TASP1: variants seen among roughly 807,000 people sequenced by gnomAD.
The protein encoded by TASP1 is threonine aspartase 1.
TASP1 carries 16 observed loss-of-function variants against 56.6 expected under a neutral mutation model. The ratio of observed to expected loss-of-function variants is 0.28; its 90% CI spans 0.19 to 0.43. The LOEUF is 0.43. Ranked by LOEUF, TASP1 falls within the 20% of genes least tolerant of loss-of-function variation. The pLI is 1.00. For synonymous variants in TASP1, 179 were observed against 184.2 expected, an observed-to-expected ratio of 0.97 and a Z score of 0.23; for missense variants, 393 against 511.6, an observed-to-expected ratio of 0.77 and a Z score of 2.24.
At chr20:13,524,733 T>C (rs978148078) in intron 10 of TASP1, among the ~76,000 whole-genome samples, 2 of 152,190 alleles carry the variant, frequency 1.3e-5, no homozygotes, top group Non-Finnish European at 2.9e-5. Context: ...TTATAACTGA[T>C]GCATCCTCCC....
At chr20:13,137,382 C>T in the TASP1 span, among the ~76,000 whole-genome samples, 10 of 152,234 alleles carry the variant, frequency 6.6e-5, no homozygotes, top group South Asian at 1.9e-3. Context: ...TCCTCTTTTC[C>T]TTTGGGTTTT....
chr20:13,353,522 C>T, the TASP1 span, among the ~76,000 whole-genome samples: 4 of 152,198 alleles, frequency 2.6e-5, no homozygotes, highest in African/African-American at 4.8e-5. Flanking sequence ...AAAGCTATTT[C>T]GCCATTCATG....
the TASP1 span, among the ~76,000 whole-genome samples, chr20:13,372,066 T>C: frequency 1.3e-5 from 2 of 152,232 alleles, no homozygotes; most frequent in Non-Finnish European, 2.9e-5. Flanking sequence ...GTAGAGAGCA[T>C]ATAATTGCAT....
At chr20:13,384,327 A>G in the TASP1 span, among the ~76,000 whole-genome samples, 1 of 152,212 alleles carries the variant, frequency 6.6e-6, no homozygotes, top group Non-Finnish European at 1.5e-5. Flanking sequence ...CATGTAAAGG[A>G]GAAACCACTG....
At chr20:13,463,212 C>G (rs1243421229) in intron 11 of TASP1, among the ~76,000 whole-genome samples, 1 of 152,036 alleles carries the variant, frequency 6.6e-6, no homozygotes, top group Non-Finnish European at 1.5e-5. Context: ...GAAATAAACA[C>G]TCATATGTGT....
intron 10 of TASP1, among the ~76,000 whole-genome samples, chr20:13,526,675 G>T (rs2044992383): frequency 6.6e-6 from 1 of 152,086 alleles, no homozygotes; most frequent in Admixed American, 6.6e-5. Flanking sequence ...TTCCACTGAT[G>T]CAAGAAATGG....
chr20:13,202,235 G>A, the TASP1 span, among the ~76,000 whole-genome samples: 1 of 152,294 alleles, frequency 6.6e-6, no homozygotes, highest in South Asian at 2.1e-4. Flanking sequence ...TCCCTCCATG[G>A]CTGAGTTCAA....
chr20:13,556,812 G>A (rs1319235920), intron 8 of TASP1, among the ~76,000 whole-genome samples: 2 of 152,304 alleles, frequency 1.3e-5, no homozygotes, highest in East Asian at 3.9e-4. Flanking sequence ...AGGGGTCTCC[G>A]TTGACCATCC....
At chr20:13,396,963 G>C (rs1366572053) in intron 13 of TASP1, among the ~76,000 whole-genome samples, 1 of 152,158 alleles carries the variant, frequency 6.6e-6, no homozygotes, top group Non-Finnish European at 1.5e-5. Flanking sequence ...TATTCTTCCA[G>C]CCTACAGGCC....
At chr20:13,576,226 A>C (rs927160857) in intron 6 of TASP1, among the ~76,000 whole-genome samples, 1 of 35,648 alleles carries the variant, frequency 2.8e-5, no homozygotes, top group African/African-American at 1.1e-4. Flanking sequence ...AGGGGAGGGG[A>C]GGGGAGGGGA....
chr20:13,298,951 G>T, the TASP1 span: 1 of 1,613,216 alleles, frequency 6.2e-7, no homozygotes, highest in East Asian at 2.2e-5. Context: ...GACACAGACA[G>T]CTGTGAGCGC....
intron 7 of TASP1, among the ~76,000 whole-genome samples, chr20:13,565,005 TCA>T (rs2046471902): frequency 9.6e-6 from 1 of 104,018 alleles, no homozygotes. Flanking sequence ...AGACTCCATC[TCA>T]AAAAAAAAAA....
intron 11 of TASP1, among the ~76,000 whole-genome samples, chr20:13,465,518 GTAAT>G (rs1189006270): frequency 3.9e-5 from 6 of 152,010 alleles, no homozygotes; most frequent in Admixed American, 1.3e-4. Flanking sequence ...AGCACTCACA[GTAAT>G]TAATTTATTT....
chr20:13,386,138 C>T (rs6042061), downstream of TASP1, among the ~76,000 whole-genome samples: 19,249 of 152,166 alleles, frequency 0.13, 2,829 homozygotes, highest in African/African-American at 0.36. Flanking sequence ...GTTTAAGGAA[C>T]AAATATATGT....
chr20:13,591,978 G>T (rs2047548833), intron 4 of TASP1, among the ~76,000 whole-genome samples: 1 of 151,852 alleles, frequency 6.6e-6, no homozygotes, highest in East Asian at 1.9e-4. Flanking sequence ...CAAAAGTGGA[G>T]AAAAAAATGG....
intron 5 of TASP1, among the ~76,000 whole-genome samples, chr20:13,582,878 C>T (rs2047175077): frequency 6.6e-6 from 1 of 152,114 alleles, no homozygotes; most frequent in Non-Finnish European, 1.5e-5. Flanking sequence ...CCAGCTAGCA[C>T]AATAGGTAAG....
chr20:13,411,938 A>G (rs2042107501), intron 13 of TASP1, among the ~76,000 whole-genome samples: 1 of 152,116 alleles, frequency 6.6e-6, no homozygotes, highest in South Asian at 2.1e-4. Flanking sequence ...GTTTTTTAAA[A>G]TCTCTTTTGC....
chr20:13,299,680 C>A, the TASP1 span: 1 of 482,758 alleles, frequency 2.1e-6, no homozygotes, highest in Non-Finnish European at 3.6e-6. This position sits in a 1 kb window ranked among gnomAD's most constrained non-coding sequence, Gnocchi z 5.8. Context: ...GAAAGTGCCC[C>A]TGGGGAGCGA....
chr20:13,241,402 A>G, the TASP1 span, among the ~76,000 whole-genome samples: 1 of 152,228 alleles, frequency 6.6e-6, no homozygotes, highest in East Asian at 1.9e-4. Flanking sequence ...GAACGATCCA[A>G]TAGAAAGGGA....
Sources: allele counts gnomAD v4.1 joint callset (sites outside exome capture counted in the v4.1 genomes callset), GRCh38; gene constraint gnomAD v4.1.1; non-coding constraint Gnocchi (gnomAD v3.1); transcripts MANE v1.5; gene names NCBI Gene and HGNC (gene_info 2026-07-23, HGNC 2026-07-21).